PLXDC2: variants seen among roughly 807,000 people sequenced by gnomAD.
PLXDC2 encodes plexin domain containing 2.
Under a neutral mutation model 68.9 loss-of-function variants are expected in PLXDC2, and 40 were observed. The observed-to-expected ratio is 0.58, with a 90% CI of 0.45 to 0.76. The LOEUF is 0.76. PLXDC2 is among the 30% of genes least tolerant of loss of function. The pLI is 0.00. For synonymous variants in PLXDC2, 243 were observed against 234.2 expected (o/e 1.04, Z -0.34); for missense variants, 644 against 661.9 (o/e 0.97, Z 0.30).
intron 1 of PLXDC2, among the ~76,000 whole-genome samples, chr10:19,939,118 A>G (rs929679714): frequency 2.6e-4 from 40 of 152,262 alleles, no homozygotes; most frequent in African/African-American, 9.2e-4. Context: ...AGAAGGCTCA[A>G]ATGAAATAAA....
chr10:19,861,375 A>T lies in PLXDC2; in HGVS notation c.112+44184A>T, dbSNP rs554198816. On this transcript the variant is annotated intron_variant, in intron 1 of 13. Transcript: ENST00000377252. The stretch of plus-strand genomic sequence containing the variant: ...TTTTGCAGTAACCTCTTGGCCAGAC[A>T]CTTCCAGTCAGTGTCTCCTTCCTTC... Among the ~76,000 whole-genome samples the T allele has an allele frequency of 1.1e-3, 167 of 151,882 alleles. 1 individual carries two copies. Among genetic ancestry groups the T allele is most frequent in the Non-Finnish European group, 1.4e-3 (94 of 67,964 alleles).
chr10:20,111,053 G>A lies in PLXDC2; in HGVS notation c.542-32242G>A, dbSNP rs1215364140. Among the ~76,000 whole-genome samples the A allele has an allele frequency of 2.6e-5, 4 of 152,126 alleles. 1 individual carries two copies. In the East Asian group the frequency reaches 7.7e-4, roughly 29 times the overall value. ...GTGTCTTTACTTTCTCTCCTGCCTA[G>A]TTATACAACAGAAATCAGCCAGCAT... On this transcript the variant is annotated intron_variant, in intron 4 of 13. Coordinates refer to ENST00000377252, the MANE Select transcript of PLXDC2 (RefSeq NM_032812.9).
intron 1 of PLXDC2, among the ~76,000 whole-genome samples, chr10:19,899,371 C>T (rs1838120818): frequency 6.6e-6 from 1 of 152,200 alleles, no homozygotes; most frequent in South Asian, 2.1e-4. Context: ...GATCAAACAA[C>T]CTGCTTGCCC....
chr10:20,220,514 T>C (rs1835195493), intron 12 of PLXDC2, among the ~76,000 whole-genome samples: 1 of 152,198 alleles, frequency 6.6e-6, no homozygotes, highest in Non-Finnish European at 1.5e-5. Flanking sequence ...TCCCTTCCTT[T>C]CCTTCTTTCT....
chr10:20,275,870 G>A (rs571980564), intron 13 of PLXDC2, among the ~76,000 whole-genome samples: 1 of 152,144 alleles, frequency 6.6e-6, no homozygotes, highest in African/African-American at 2.4e-5. Context: ...CTGAGATCGC[G>A]CCACTGCTCT....
chr10:19,817,038 G>A lies in PLXDC2; in HGVS notation c.-42G>A, dbSNP rs1032444671. Reference sequence around the variant, plus strand: ...TTGCATCGGGAGCCCCCGAGCACCGGCGAAGGACTGGCGGGTGGGGTAGGG... The same window carrying A: ...TTGCATCGGGAGCCCCCGAGCACCGACGAAGGACTGGCGGGTGGGGTAGGG... On this transcript the variant is annotated 5_prime_UTR_variant, in exon 1 of 14. Transcript: ENST00000377252. 6.8e-7 allele frequency: 1 copy of A among 1,472,280 alleles called. No homozygotes were observed. Among genetic ancestry groups the A allele is most frequent in the South Asian group, 1.2e-5 (1 of 81,294 alleles). 91.2% of individuals were successfully genotyped at this position (1,472,280 alleles called of 1,614,324 possible).
At chr10:20,231,237 A>G (rs1835360097) in intron 12 of PLXDC2, among the ~76,000 whole-genome samples, 1 of 149,898 alleles carries the variant, frequency 6.7e-6, no homozygotes, top group Non-Finnish European at 1.5e-5. Context: ...AACTTCTAAT[A>G]TATATATAAA....
intron 1 of PLXDC2, among the ~76,000 whole-genome samples, chr10:19,979,725 C>G (rs567500571): frequency 2.2e-4 from 34 of 152,260 alleles, no homozygotes; most frequent in African/African-American, 8.2e-4. Context: ...GTTTTCCTTC[C>G]TGCTTTAGAC....
At chr10:20,235,752 G>T (rs1564362565) in intron 12 of PLXDC2, among the ~76,000 whole-genome samples, 2 of 152,142 alleles carry the variant, frequency 1.3e-5, no homozygotes. Context: ...AAACTTAATG[G>T]ATTTGATAAG....
chr10:19,842,637 G>T (rs1215457059), intron 1 of PLXDC2, among the ~76,000 whole-genome samples: 1 of 152,160 alleles, frequency 6.6e-6, no homozygotes, highest in African/African-American at 2.4e-5. Context: ...TAGGCCAGAA[G>T]ATTATCTGCA....
At chr10:20,251,220 A>C (rs932228521) in intron 13 of PLXDC2, among the ~76,000 whole-genome samples, 5 of 152,166 alleles carry the variant, frequency 3.3e-5, no homozygotes, top group Non-Finnish European at 7.3e-5. Context: ...TCTTCAACTG[A>C]CTGGCTTGCA....
intron 9 of PLXDC2, among the ~76,000 whole-genome samples, chr10:20,182,743 T>C (rs926623134): frequency 2.6e-5 from 4 of 151,984 alleles, no homozygotes; most frequent in Non-Finnish European, 4.4e-5. Context: ...GTTTGTTGCA[T>C]AGGTATACAT....
At chr10:20,247,297 A>C (rs1835610279) in intron 13 of PLXDC2, among the ~76,000 whole-genome samples, 1 of 70,128 alleles carries the variant, frequency 1.4e-5, no homozygotes, top group Non-Finnish European at 2.6e-5. Context: ...TCATCTCTAC[A>C]AAAAAAAAAA....
intron 1 of PLXDC2, among the ~76,000 whole-genome samples, chr10:19,912,144 G>C (rs1284669493): frequency 2.0e-5 from 3 of 152,198 alleles, no homozygotes; most frequent in African/African-American, 7.2e-5. Flanking sequence ...GTATTCTAAA[G>C]GGAATTTAGT....
rs1224167353 is a variant in PLXDC2 at position 20,014,382 on chromosome 10, G to GCTTGCTTC, written c.324+12399_324+12400insGCTTCCTT. 1.1e-4 allele frequency among the ~76,000 whole-genome samples: 9 copies of GCTTGCTTC among 79,074 alleles called. No homozygotes were observed. The East Asian group carries it at 2.4e-3, about 21-fold the overall frequency. 51.9% of individuals were successfully genotyped at this position (79,074 alleles called of 152,430 possible). On this transcript the variant is annotated intron_variant, in intron 2 of 13. Coordinates refer to ENST00000377252, the MANE Select transcript of PLXDC2 (RefSeq NM_032812.9). ...TCCTTCCTTCCTTCCTTCCTTCCTT[G>GCTTGCTTC]CTTCCTTCCTTCCTTCCTTCCTTCC...
chr10:20,110,474 G>A (rs1460680479), intron 4 of PLXDC2, among the ~76,000 whole-genome samples: 1 of 152,146 alleles, frequency 6.6e-6, no homozygotes, highest in African/African-American at 2.4e-5. Flanking sequence ...TGCCTCAATG[G>A]TAGTATTTAT....
chr10:20,156,317 C>T (rs926981666), intron 6 of PLXDC2, among the ~76,000 whole-genome samples: 22 of 152,140 alleles, frequency 1.4e-4, no homozygotes, highest in African/African-American at 5.1e-4. Flanking sequence ...ACACTTTTTA[C>T]TCTGTGTATG....
intron 9 of PLXDC2, among the ~76,000 whole-genome samples, chr10:20,196,547 C>G (rs117863138): frequency 2.3e-3 from 356 of 152,146 alleles, no homozygotes; most frequent in Non-Finnish European, 4.4e-3. Flanking sequence ...AAATCTCTCT[C>G]TTACTGAAAA....
intron 13 of PLXDC2, among the ~76,000 whole-genome samples, chr10:20,273,037 T>C (rs1263192600): frequency 6.6e-6 from 1 of 152,222 alleles, no homozygotes; most frequent in East Asian, 1.9e-4. Flanking sequence ...TATGGTACTT[T>C]ATATATCTGT....
Sources: allele counts gnomAD v4.1 joint callset (sites outside exome capture counted in the v4.1 genomes callset), GRCh38; gene constraint gnomAD v4.1.1; transcripts MANE v1.5; gene names NCBI Gene and HGNC (gene_info 2026-07-23, HGNC 2026-07-21).